The following DET1 variants were observed in gnomAD, a reference collection of about 807,000 sequenced individuals.
DET1 encodes DET1 partner of COP1 E3 ubiquitin ligase, also known as DET1 homolog.
In DET1, 22 loss-of-function variants were observed where a neutral mutation model predicts 43.7. The ratio of observed to expected loss-of-function variants is 0.50; its 90% confidence interval spans 0.36 to 0.72. DET1 has a LOEUF of 0.72. DET1 is among the 30% of genes least tolerant of loss of function. DET1 has a pLI of 0.00. For synonymous variants in DET1, 315 were observed against 266.2 expected, an observed-to-expected ratio of 1.18 and a Z score of -1.79; for missense variants, 713 against 713.3, an observed-to-expected ratio of 1.00 and a Z score of 0.00.
At chr15:88,509,333 T>C (rs1231758531), downstream of DET1, among the ~76,000 whole-genome samples, 1 of 152,166 alleles carries the variant, frequency 6.6e-6, no homozygotes, top group African/African-American at 2.4e-5. Flanking sequence ...GGAGGGGTTT[T>C]GAAGTGAGAG....
At chr15:88,513,650 G>C (rs1018154876) in intron 4 of DET1, among the ~76,000 whole-genome samples, 31 of 108,282 alleles carry the variant, frequency 2.9e-4, no homozygotes, top group Non-Finnish European at 4.9e-4. Context: ...TTGGAAATCT[G>C]TTATGTATTT....
At chr15:88,520,559 C>T (rs2056463177) in intron 3 of DET1, among the ~76,000 whole-genome samples, 2 of 152,278 alleles carry the variant, frequency 1.3e-5, no homozygotes, top group South Asian at 2.1e-4. Context: ...CTGCTCTACC[C>T]ACAGGTTTAC....
intron 4 of DET1, among the ~76,000 whole-genome samples, chr15:88,515,954 T>C (rs1459297013): frequency 6.6e-6 from 1 of 152,242 alleles, no homozygotes; most frequent in Non-Finnish European, 1.5e-5. Context: ...AACTAGTTTT[T>C]GGAACTTGAC....
At chr15:88,515,377 A>C (rs917080874) in intron 4 of DET1, among the ~76,000 whole-genome samples, 2 of 151,560 alleles carry the variant, frequency 1.3e-5, no homozygotes, top group Non-Finnish European at 2.9e-5. Flanking sequence ...CCGTCTCTAC[A>C]AAAATACAAA....
Position 88,531,696 on chromosome 15 carries a change from G to A in DET1, c.10C>T (p.His4Tyr), listed in dbSNP as rs775160112. The change falls in exon 2 of 5, where the codon CAT (histidine) becomes TAT (tyrosine). Residue 4 changes from histidine to tyrosine, a missense_variant. By Grantham distance (83) the His-to-Tyr change is moderately conservative (BLOSUM62 2). Transcript: ENST00000268148. This position sits in a 1 kb window ranked among gnomAD's most constrained non-coding sequence, Gnocchi z 6.2. Reference sequence around the variant, plus strand: ...CTTCGAGGCTTGATGGTAGAAACATGATGATCCATTATCACATCTCTAAAC... The same window carrying A: ...CTTCGAGGCTTGATGGTAGAAACATAATGATCCATTATCACATCTCTAAAC... MDH[H>Y]VSTIKPRRIQ... 6.2e-7 allele frequency: 1 copy of A among 1,607,072 alleles called. No homozygotes were observed. Among genetic ancestry groups the A allele is most frequent in the South Asian group, 1.1e-5 (1 of 90,966 alleles).
At chr15:88,521,768 C>T (rs913118305) in intron 3 of DET1, among the ~76,000 whole-genome samples, 1 of 151,968 alleles carries the variant, frequency 6.6e-6, no homozygotes, top group Non-Finnish European at 1.5e-5. Flanking sequence ...ATTATGATGA[C>T]TTATTGTTTT....
chr15:88,545,379 T>G (rs1478230994), intron 1 of DET1, among the ~76,000 whole-genome samples: 1 of 152,156 alleles, frequency 6.6e-6, no homozygotes, highest in Non-Finnish European at 1.5e-5. Flanking sequence ...AGAAACCCCC[T>G]GACAAAGTTG....
downstream of DET1, among the ~76,000 whole-genome samples, chr15:88,511,963 G>T (rs1306569539): frequency 6.6e-6 from 1 of 152,116 alleles, no homozygotes; most frequent in Non-Finnish European, 1.5e-5. Flanking sequence ...CACTACTGGC[G>T]GATACATTAT....
At chr15:88,518,409 A>G (rs2056404838) in intron 3 of DET1, among the ~76,000 whole-genome samples, 1 of 152,236 alleles carries the variant, frequency 6.6e-6, no homozygotes, top group Admixed American at 6.5e-5. Context: ...TTCAAAGATT[A>G]TATGGTAACA....
At chr15:88,513,367 G>C (rs1394880491) in intron 4 of DET1, among the ~76,000 whole-genome samples, 4 of 152,116 alleles carry the variant, frequency 2.6e-5, no homozygotes, top group Non-Finnish European at 2.9e-5. Flanking sequence ...CTGAGTCACT[G>C]GTCATTTCTC....
chr15:88,542,986 T>C (rs2057151467), intron 1 of DET1, among the ~76,000 whole-genome samples: 1 of 152,222 alleles, frequency 6.6e-6, no homozygotes, highest in Admixed American at 6.5e-5. Flanking sequence ...TCTCTGGATA[T>C]TGGGGTTTGC....
intron 3 of DET1, among the ~76,000 whole-genome samples, chr15:88,523,112 G>T (rs137984914): frequency 4.0e-4 from 60 of 151,652 alleles, no homozygotes; most frequent in Middle Eastern, 3.4e-3. Context: ...CTGAGCTCAA[G>T]CGATCAGTCC....
chr15:88,510,796 T>C (rs1413496316), downstream of DET1, among the ~76,000 whole-genome samples: 9 of 149,350 alleles, frequency 6.0e-5, no homozygotes, highest in Admixed American at 4.7e-4. Flanking sequence ...AGACAGAGTC[T>C]GGCTCTGTCC....
intron 1 of DET1, among the ~76,000 whole-genome samples, chr15:88,540,030 A>G (rs1264902667): frequency 1.3e-5 from 2 of 152,152 alleles, no homozygotes; most frequent in African/African-American, 4.8e-5. Context: ...CATCTTAAAA[A>G]TGACCTGAGT....
chr15:88,531,364 C>A lies in DET1; in HGVS notation c.342G>T (p.Val114=), dbSNP rs369375445. Residue 114 remains valine (V), a synonymous_variant, in exon 2 of 5, where the codon GTG becomes GTT. Transcript: ENST00000268148. This position sits in a 1 kb window ranked among gnomAD's most constrained non-coding sequence, Gnocchi z 6.2. The part of the protein sequence containing the change: ...ILSNGNDQRS[V]NIRGRLFERF... Reference sequence around the variant, plus strand: ...GTTCAAAGAGCCGGCCCCGGATATTCACTGACCGCTGGTCATTGCCATTGG... The same window carrying A: ...GTTCAAAGAGCCGGCCCCGGATATTAACTGACCGCTGGTCATTGCCATTGG... The A allele has an allele frequency of 6.2e-7, 1 of 1,613,952 alleles. No individual in the cohort carries two copies. The highest frequency in any genetic ancestry group is 1.3e-5 in the African/African-American group (1 of 74,940).
intron 2 of DET1, among the ~76,000 whole-genome samples, chr15:88,528,308 A>G (rs900521752): frequency 2.4e-4 from 37 of 152,308 alleles, no homozygotes; most frequent in Admixed American, 3.3e-4. Flanking sequence ...ATTTAGGGGT[A>G]TTTATTTTTC....
downstream of DET1, chr15:88,511,595 A>G: frequency 1.0e-6 from 1 of 985,264 alleles, no homozygotes; most frequent in Admixed American, 6.1e-5. Context: ...CCCTAGAGAG[A>G]CACAATGAGA....
intron 1 of DET1, among the ~76,000 whole-genome samples, chr15:88,534,054 T>C (rs888699218): frequency 3.3e-5 from 5 of 152,112 alleles, no homozygotes; most frequent in Non-Finnish European, 5.9e-5. Flanking sequence ...AATGTGAATA[T>C]ACTTAATACT....
chr15:88,505,943 G>T (rs1170049977), intron 7 of DET1, among the ~76,000 whole-genome samples: 1 of 152,146 alleles, frequency 6.6e-6, no homozygotes. Flanking sequence ...CATGGCAAAA[G>T]AATGGCACCA....
Sources: allele counts gnomAD v4.1 joint callset (sites outside exome capture counted in the v4.1 genomes callset), GRCh38; gene constraint gnomAD v4.1.1; non-coding constraint Gnocchi (gnomAD v3.1); transcripts MANE v1.5; gene names NCBI Gene and HGNC (gene_info 2026-07-23, HGNC 2026-07-21).